The following DNAH9 variants were observed in gnomAD, a reference collection of about 807,000 sequenced individuals.
The protein encoded by DNAH9 is dynein axonemal heavy chain 9, also known as DNAH9 variant protein.
Under a neutral mutation model 471.6 loss-of-function variants are expected in DNAH9, and 345 were observed. The ratio of observed to expected loss-of-function variants is 0.73; its 90% CI spans 0.67 to 0.80. DNAH9 has a LOEUF of 0.80. Ranked by LOEUF, DNAH9 falls within the 30% of genes least tolerant of loss-of-function variation. DNAH9 has a pLI of 0.00. For synonymous variants in DNAH9, 2,093 were observed against 2,123.6 expected (o/e 0.99, Z 0.40); for missense variants, 5,407 against 5,609.2 (o/e 0.96, Z 1.15).
chr17:11,847,307 G>T (rs1971260212), intron 49 of DNAH9, among the ~76,000 whole-genome samples: 1 of 152,118 alleles, frequency 6.6e-6, no homozygotes, highest in African/African-American at 2.4e-5. Context: ...GAATGGTATT[G>T]CCTAGGTTGT....
intron 45 of DNAH9, among the ~76,000 whole-genome samples, chr17:11,812,041 A>T (rs1293823454): frequency 1.3e-5 from 1 of 76,410 alleles, no homozygotes; most frequent in African/African-American, 5.1e-5. Flanking sequence ...ATATATATAT[A>T]TATATATATA....
chr17:11,742,446 C>T, intron 30 of DNAH9, 133 bp downstream of exon 30: 7 of 847,306 alleles, frequency 8.3e-6, no homozygotes, highest in African/African-American at 1.7e-5. Flanking sequence ...ATAAGCATGT[C>T]GAAACCTCTG....
At chr17:11,919,518 A>G (rs1002465523) in intron 61 of DNAH9, among the ~76,000 whole-genome samples, 1 of 151,702 alleles carries the variant, frequency 6.6e-6, no homozygotes, top group Admixed American at 6.6e-5. Flanking sequence ...AAAAAAAAAA[A>G]AAAGAGGGAT....
At chr17:11,692,068 C>CT (rs5819332) in intron 20 of DNAH9, among the ~76,000 whole-genome samples, 147,183 of 152,224 alleles carry the variant, frequency 0.97, 71,222 homozygotes, top group Middle Eastern at 0.99. Context: ...TCCCAAAGTG[C>CT]TGGATTACAG....
intron 62 of DNAH9, among the ~76,000 whole-genome samples, chr17:11,928,122 T>TATTCATTC (rs58807774): frequency 5.2e-5 from 7 of 133,636 alleles, no homozygotes; most frequent in East Asian, 4.2e-4. Context: ...TTTATTTATT[T>TATTCATTC]ATTCATTCAT....
intron 48 of DNAH9, 150 bp from the exon 49 acceptor site, chr17:11,834,488 G>A (rs891540355): frequency 2.5e-5 from 23 of 913,320 alleles, no homozygotes; most frequent in Admixed American, 5.5e-5. Context: ...ATCTGACAGC[G>A]CAGCTTTGTA....
chr17:11,848,574 A>G lies in DNAH9; in HGVS notation c.9508-5429A>G, dbSNP rs141589086. On this transcript the variant is annotated intron_variant, in intron 49 of 68. Coordinates refer to ENST00000262442, the MANE Select transcript of DNAH9 (RefSeq NM_001372.4). ...AATCAAATAATTGTTAAATAATTTAATAATTATTAATGACAATTTGTACAA... is the reference window on the plus strand; with the variant it reads ...AATCAAATAATTGTTAAATAATTTAGTAATTATTAATGACAATTTGTACAA... Among the ~76,000 whole-genome samples, 582 of 152,036 alleles carry G rather than the reference A, an allele frequency of 3.8e-3. 6 individuals are homozygous for G. Among genetic ancestry groups the G allele is most frequent in the African/African-American group, 0.013 (556 of 41,530 alleles).
intron 9 of DNAH9, 87 bp from the exon 10 acceptor site, chr17:11,640,183 G>A: frequency 1.3e-6 from 1 of 747,740 alleles, no homozygotes; most frequent in South Asian, 1.7e-5. Flanking sequence ...TGAGGCAAAA[G>A]TGGAGTACTT....
chr17:11,719,443 G>A lies in DNAH9; in HGVS notation c.5662G>A (p.Gly1888Ser), dbSNP rs749552574. 3.1e-6 allele frequency: 5 copies of A among 1,613,722 alleles called. No individual in the cohort carries two copies. In the African/African-American group the frequency reaches 5.3e-5, roughly 17 times the overall value. The change falls in exon 27 of 69, where the codon GGC becomes AGC. Residue 1888 changes from glycine (G) to serine (S), a missense_variant. Coordinates refer to ENST00000262442, the MANE Select transcript of DNAH9 (RefSeq NM_001372.4). Reference sequence around the variant, plus strand: ...CACCAAGGACCTGGGCCGCGCACTGGGCATCCTGGTCTATGTGTTCAACTG... The same window carrying A: ...CACCAAGGACCTGGGCCGCGCACTGAGCATCCTGGTCTATGTGTTCAACTG... ...ETTKDLGRAL[G>S]ILVYVFNCSE...
At chr17:11,894,250 A>C (rs1011874882) in intron 58 of DNAH9, 124 bp from the exon 59 acceptor site, 6 of 1,351,300 alleles carry the variant, frequency 4.4e-6, no homozygotes, top group African/African-American at 1.4e-5. Context: ...CTCATTAAAC[A>C]ACCAAAATTG....
At chr17:11,714,788 G>A (rs1254885961) in intron 26 of DNAH9, among the ~76,000 whole-genome samples, 2 of 152,136 alleles carry the variant, frequency 1.3e-5, no homozygotes, top group Non-Finnish European at 2.9e-5. Context: ...GGTGGTAGGG[G>A]CTGTGTACAA....
chr17:11,629,345 G>A (rs1028601378), intron 6 of DNAH9, 72 bp from the exon 7 acceptor site: 25 of 1,240,686 alleles, frequency 2.0e-5, no homozygotes, highest in Admixed American at 8.9e-5. Flanking sequence ...GAGAACATGC[G>A]GTGTTTGGTT....
chr17:11,624,335 C>T (rs1314938565), intron 6 of DNAH9, among the ~76,000 whole-genome samples: 1 of 151,992 alleles, frequency 6.6e-6, no homozygotes, highest in African/African-American at 2.4e-5. Context: ...ATGGTGAAAC[C>T]CTGTCTCTAC....
intron 1 of DNAH9, among the ~76,000 whole-genome samples, chr17:11,605,602 C>T (rs942287061): frequency 2.6e-5 from 4 of 151,954 alleles, no homozygotes; most frequent in African/African-American, 4.8e-5. Flanking sequence ...TGGGCTCAAG[C>T]GATCCTCTCA....
intron 56 of DNAH9, among the ~76,000 whole-genome samples, chr17:11,886,003 T>A (rs113540444): frequency 0.01 from 1,576 of 152,102 alleles, 33 homozygotes; most frequent in African/African-American, 0.036. Context: ...GATCCTGAGG[T>A]CTCCTTTCTT....
At chr17:11,919,356 G>A (rs899098107) in intron 61 of DNAH9, among the ~76,000 whole-genome samples, 13 of 151,968 alleles carry the variant, frequency 8.6e-5, no homozygotes, top group South Asian at 2.1e-4. Flanking sequence ...TTAGCCAGGC[G>A]TGGTGGCGGG....
At position 11,756,603 on chromosome 17, in the gene DNAH9, G is replaced by A. The variant is rs1276712327; in HGVS notation, c.6774G>A (p.Leu2258=). ...LTLASNERIP[L]NPTMKLLFEI... is the part of the protein sequence containing the mutation. ...TGGCCAGCAATGAGAGGATTCCTCT[G>A]AACCCCACCATGAAGCTCCTCTTTG... Residue 2258 remains leucine, a synonymous_variant, in exon 34 of 69, where the codon CTG becomes CTA. Transcript: ENST00000262442. The A allele has an allele frequency of 1.9e-6, 3 of 1,613,804 alleles. No individual in the cohort carries two copies. Among genetic ancestry groups the A allele is most frequent in the Non-Finnish European group, 2.5e-6 (3 of 1,179,814 alleles).
chr17:11,941,280 G>A (rs1193816444), intron 66 of DNAH9, among the ~76,000 whole-genome samples: 2 of 152,158 alleles, frequency 1.3e-5, no homozygotes, highest in Non-Finnish European at 2.9e-5. Context: ...GGCACCTAGA[G>A]CTCAGCTCTC....
chr17:11,690,290 T>C lies in DNAH9; in HGVS notation c.4468T>C (p.Phe1490Leu). The change falls in exon 20 of 69, where the codon TTC becomes CTC. Residue 1490 changes from phenylalanine (F) to leucine (L), a missense_variant. Phe to Leu is a conservative substitution (Grantham distance 22, BLOSUM62 0). This residue lies in a region of DNAH9 where 4,636 missense variants were observed against 4,900.3 expected (regional missense o/e 0.95). Transcript: ENST00000262442. Reference protein sequence around the residue: ...QNLVMSKYVAFFLEEVSGWQK... With the variant: ...QNLVMSKYVALFLEEVSGWQK... ...CCTGGTGATGTCCAAGTATGTTGCT[T>C]TCTTCTTGGAGGAGGTGTCGGGCTG... The C allele has an allele frequency of 1.2e-6, 2 of 1,614,144 alleles. No homozygotes were observed.
Sources: allele counts gnomAD v4.1 joint callset (sites outside exome capture counted in the v4.1 genomes callset), GRCh38; gene constraint gnomAD v4.1.1; regional missense constraint gnomAD v4.1.1; transcripts MANE v1.5; gene names NCBI Gene and HGNC (gene_info 2026-07-23, HGNC 2026-07-21).